The following MLLT3 variants were observed in gnomAD, a reference collection of about 807,000 sequenced individuals.
MLLT3 encodes protein AF-9.
A neutral mutation model predicts 53.2 loss-of-function variants in MLLT3; 4 were observed. The ratio of observed to expected loss-of-function variants is 0.08; its 90% CI spans 0.04 to 0.17. The LOEUF (loss-of-function observed/expected upper bound fraction) is 0.17. Among genes scored for constraint, MLLT3 ranks in the 10% least tolerant of loss-of-function variants. The pLI is 1.00. For missense variants in MLLT3, 569 were observed against 684.0 expected, an observed-to-expected ratio of 0.83 and a Z score of 1.87; for synonymous variants, 283 against 230.6, an observed-to-expected ratio of 1.23 and a Z score of -2.06.
chr9:20,446,660 A>T (rs1823709980), intron 4 of MLLT3, among the ~76,000 whole-genome samples: 1 of 152,204 alleles, frequency 6.6e-6, no homozygotes, highest in African/African-American at 2.4e-5. Context: ...TAAAAAAATG[A>T]GATTGATTAG....
chr9:20,396,596 G>A (rs535357918), intron 5 of MLLT3, among the ~76,000 whole-genome samples: 1 of 152,138 alleles, frequency 6.6e-6, no homozygotes, highest in South Asian at 2.1e-4. Context: ...CTGCTTGCCT[G>A]GGCCCAAAGT....
At chr9:20,458,274 A>G (rs1018462945) in intron 2 of MLLT3, among the ~76,000 whole-genome samples, 7 of 152,150 alleles carry the variant, frequency 4.6e-5, no homozygotes, top group African/African-American at 1.7e-4. Context: ...CTTGTCTGCT[A>G]ATTTCCTTTC....
At chr9:20,352,708 G>C (rs1306698685) in intron 10 of MLLT3, among the ~76,000 whole-genome samples, 1 of 122,810 alleles carries the variant, frequency 8.1e-6, no homozygotes, top group Non-Finnish European at 1.7e-5. Context: ...GCCATTAAAT[G>C]TTAAAAAAAA....
At chr9:20,524,944 T>C (rs1025154960) in intron 2 of MLLT3, among the ~76,000 whole-genome samples, 2 of 152,014 alleles carry the variant, frequency 1.3e-5, no homozygotes, top group African/African-American at 2.4e-5. Context: ...GCAGGAACCC[T>C]GTCAGGCTAC....
At chr9:20,372,554 ATTTTTTTTTTT>A (rs34889625) in intron 5 of MLLT3, among the ~76,000 whole-genome samples, 49 of 82,230 alleles carry the variant, frequency 6.0e-4, no homozygotes, top group Non-Finnish European at 6.5e-4. Context: ...CGCCCGGCTA[ATTTTTTTTTTT>A]TTTTTTTTTT....
chr9:20,447,277 A>C (rs2118845321), intron 4 of MLLT3, among the ~76,000 whole-genome samples: 1 of 152,300 alleles, frequency 6.6e-6, no homozygotes, highest in South Asian at 2.1e-4. Context: ...GCATATAGAA[A>C]ATAACTTCAT....
In MLLT3 at chr9:20,348,891, T is replaced by C. The variant is rs73428492; in HGVS notation, c.1576-2317A>G. ...ACAGAGGCTTTTCATGTCAATCATA[T>C]ACTTACTATATAATTAAGATCAATT... On this transcript the variant is annotated intron_variant, in intron 10 of 10. Transcript: ENST00000380338. 3.6e-3 allele frequency among the ~76,000 whole-genome samples: 543 copies of C among 152,318 alleles called. 2 individuals are homozygous for C. Among genetic ancestry groups the C allele is most frequent in the African/African-American group, 0.013 (521 of 41,572 alleles).
intron 4 of MLLT3, 43 bp from the exon 5 acceptor site, chr9:20,414,468 A>G (rs1226106264): frequency 8.1e-6 from 13 of 1,598,158 alleles, no homozygotes; most frequent in Admixed American, 1.7e-5. Context: ...AAAACTAAAT[A>G]GCAATGAAGA....
intron 2 of MLLT3, among the ~76,000 whole-genome samples, chr9:20,510,377 C>G (rs931633401): frequency 1.3e-5 from 2 of 152,090 alleles, no homozygotes; most frequent in African/African-American, 4.8e-5. Flanking sequence ...CTTTGGGAGG[C>G]CAAGGTGGGC....
intron 2 of MLLT3, among the ~76,000 whole-genome samples, chr9:20,557,275 T>C (rs1176713805): frequency 2.0e-5 from 3 of 152,016 alleles, no homozygotes; most frequent in South Asian, 4.2e-4. Flanking sequence ...GGTAGTGGGG[T>C]TGAGGGCATG....
intron 2 of MLLT3, among the ~76,000 whole-genome samples, chr9:20,530,400 G>A (rs1019164547): frequency 6.6e-6 from 1 of 152,154 alleles, no homozygotes; most frequent in East Asian, 1.9e-4. Flanking sequence ...TACAATGAAA[G>A]GCAAAATGTA....
chr9:20,415,401 TTC>T (rs1822845553), intron 4 of MLLT3: 1 of 873,208 alleles, frequency 1.1e-6, no homozygotes, highest in Non-Finnish European at 1.4e-6. Flanking sequence ...TATATAATCT[TTC>T]TGTTTAGGAA....
chr9:20,565,968 T>TTATATATATATTTTTA (rs1819356911), intron 2 of MLLT3, among the ~76,000 whole-genome samples: 2 of 32,792 alleles, frequency 6.1e-5, no homozygotes, highest in African/African-American at 2.3e-4. Flanking sequence ...ATATATATAT[T>TTATATATATATTTTTA]TATATATATA....
chr9:20,435,847 C>A (rs1402456260), intron 4 of MLLT3, among the ~76,000 whole-genome samples: 6 of 152,106 alleles, frequency 3.9e-5, no homozygotes, highest in Non-Finnish European at 8.8e-5. Flanking sequence ...CTGAGCCTGT[C>A]TTATCGGTCC....
chr9:20,456,089 C>T (rs1466875202), intron 3 of MLLT3, among the ~76,000 whole-genome samples: 1 of 152,048 alleles, frequency 6.6e-6, no homozygotes, highest in Non-Finnish European at 1.5e-5. Flanking sequence ...CAGGCATCCA[C>T]CACCATACTC....
intron 2 of MLLT3, among the ~76,000 whole-genome samples, chr9:20,571,467 T>C (rs144239508): frequency 1.1e-3 from 167 of 152,332 alleles, no homozygotes; most frequent in African/African-American, 2.8e-3. Context: ...ATACTTTAAG[T>C]TCTGGGATAC....
At chr9:20,470,326 G>T (rs1239666567) in intron 2 of MLLT3, among the ~76,000 whole-genome samples, 1 of 151,822 alleles carries the variant, frequency 6.6e-6, no homozygotes, top group Non-Finnish European at 1.5e-5. Context: ...GAGAAGCCTG[G>T]TTTATTTAAA....
chr9:20,469,390 T>C (rs530987293), intron 2 of MLLT3, among the ~76,000 whole-genome samples: 2 of 152,332 alleles, frequency 1.3e-5, no homozygotes, highest in Admixed American at 6.5e-5. Flanking sequence ...GATTTTTCTA[T>C]ATATTGCACT....
intron 5 of MLLT3, among the ~76,000 whole-genome samples, chr9:20,393,338 A>G (rs1329536902): frequency 1.3e-5 from 2 of 152,202 alleles, no homozygotes; most frequent in African/African-American, 4.8e-5. Context: ...GGGAAACACT[A>G]TAGGACTTAC....
Sources: gnomAD v4.1 joint callset for allele counts (sites outside exome capture counted in the v4.1 genomes callset) on GRCh38, gnomAD v4.1.1 for gene constraint, MANE v1.5 for transcripts, NCBI Gene and HGNC (gene_info 2026-07-23, HGNC 2026-07-21) for gene names.